FCSK: variants seen among roughly 807,000 people sequenced by gnomAD.
FCSK encodes the protein fucose kinase, also known as L-fucose kinase.
A neutral mutation model predicts 122.5 loss-of-function variants in FCSK; 123 were observed. The ratio of observed to expected loss-of-function variants is 1.00; its 90% CI spans 0.87 to 1.17. The LOEUF (loss-of-function observed/expected upper bound fraction) is 1.17, where lower values mean the gene tolerates loss of function less well. Ranked by LOEUF, FCSK falls within the 50% of genes most tolerant of loss-of-function variation. FCSK has a pLI of 0.00. For missense variants in FCSK, 1,366 were observed against 1,450.4 expected (o/e 0.94, Z 0.95); for synonymous variants, 620 against 625.5 (o/e 0.99, Z 0.13).
At position 70,479,711 on chromosome 16, in the gene FCSK, C is replaced by T. The variant is rs767104693; in HGVS notation, c.*31C>T. ...GCTTCTCTCTGCAACAGGAGAAAACCTGGAGCTACAGTGTCCCCCACCTTC... is the reference window on the plus strand; with the variant it reads ...GCTTCTCTCTGCAACAGGAGAAAACTTGGAGCTACAGTGTCCCCCACCTTC... On this transcript the variant is annotated 3_prime_UTR_variant, in exon 24 of 24. Transcript: ENST00000288078. 2 of 1,573,346 alleles carry T rather than the reference C, an allele frequency of 1.3e-6. No homozygotes were observed. Among genetic ancestry groups the T allele is most frequent in the African/African-American group, 2.7e-5 (2 of 74,102 alleles).
Position 70,474,888 on chromosome 16 carries a change from G to A in FCSK, c.2254G>A (p.Ala752Thr), listed in dbSNP as rs751854740. The A allele has an allele frequency of 1.2e-6, 2 of 1,605,804 alleles. No homozygotes were observed. The highest frequency in any genetic ancestry group is 1.7e-6 in the Non-Finnish European group (2 of 1,177,210). ...CGGCCGCCGGCCCATCGGAGCCAGG[G>A]CACGCCGCATCCCGGAGCCTGAGCT... ...VDGRRPIGAR[A>T]RRIPEPELWL... Residue 752 changes from alanine (A) to threonine (T), a missense_variant, in exon 18 of 24, where the codon GCA (alanine) becomes ACA (threonine). By Grantham distance (58) the Ala-to-Thr change is moderately conservative. Coordinates refer to ENST00000288078, the MANE Select transcript of FCSK (RefSeq NM_145059.3).
At chr16:70,479,112 C>A in intron 22 of FCSK, 68 bp from the exon 23 acceptor site, 4 of 1,223,338 alleles carry the variant, frequency 3.3e-6, no homozygotes, top group Non-Finnish European at 4.7e-6. Context: ...CTTGGCACTT[C>A]ATGCAATCTC....
At chr16:70,470,090 GC>G (rs2048562960) in intron 10 of FCSK, among the ~76,000 whole-genome samples, 1 of 152,138 alleles carries the variant, frequency 6.6e-6, no homozygotes, top group Non-Finnish European at 1.5e-5. Flanking sequence ...TGATCTGCCT[GC>G]CTCGGCCTCC....
At position 70,469,554 on chromosome 16, in the gene FCSK, T is replaced by A. The variant is rs185570637; in HGVS notation, c.955+231T>A. Among the ~76,000 whole-genome samples, 310 of 152,244 alleles carry A rather than the reference T, an allele frequency of 2.0e-3. 2 individuals carry two copies. The highest frequency in any genetic ancestry group is 6.3e-3 in the African/African-American group (260 of 41,544). On this transcript the variant is annotated intron_variant, in intron 10 of 23. Transcript: ENST00000288078. ...CACTTTTGTTTCTGTTTTTTTTTGT[T>A]TGTTTGTTTTGTTTTTTGAGACGGA...
At position 70,478,615 on chromosome 16, in the gene FCSK, G is replaced by A. The variant is rs761231496; in HGVS notation, c.2894G>A (p.Arg965Gln). 67 of 1,613,582 alleles carry A rather than the reference G, an allele frequency of 4.2e-5. No individual in the cohort carries two copies. The highest frequency in any genetic ancestry group is 6.7e-5 in the East Asian group (3 of 44,896). ...GTGCAGAATGCCCACAGCCTGGTAC[G>A]GCAAACTGAGGAGTGTGCTGAAGGC... ...AVVQNAHSLV[R>Q]QTEECAEGFR... The change falls in exon 22 of 24, where the codon CGG (arginine) becomes CAG (glutamine). Residue 965 changes from arginine (R) to glutamine (Q), a missense_variant. Arg to Gln is a conservative substitution (Grantham distance 43). Transcript: ENST00000288078.
chr16:70,467,067 G>A (rs765241050), intron 6 of FCSK, 113 bp downstream of exon 6: 29 of 995,050 alleles, frequency 2.9e-5, no homozygotes, highest in East Asian at 2.5e-4. Context: ...CCTATTAGAC[G>A]GGAAGCTGGA....
chr16:70,479,567 T>A lies in FCSK; in HGVS notation c.3154-12T>A. The A allele has an allele frequency of 6.2e-7, 1 of 1,611,160 alleles. No homozygotes were observed. Among genetic ancestry groups the A allele is most frequent in the South Asian group, 1.1e-5 (1 of 90,806 alleles). ...TGTCCAGAGCCTTCTAAATACTTCCTGTCTTGTCCAGGGCCTTGGGAATTA... is the reference window on the plus strand; with the variant it reads ...TGTCCAGAGCCTTCTAAATACTTCCAGTCTTGTCCAGGGCCTTGGGAATTA... On this transcript the variant is annotated splice_polypyrimidine_tract_variant and intron_variant, in intron 23 of 23. Coordinates refer to ENST00000288078, the MANE Select transcript of FCSK (RefSeq NM_145059.3).
Position 70,479,293 on chromosome 16 carries a change from C to CA in FCSK, c.3044dup (p.His1015GlnfsTer48). The CA allele has an allele frequency of 8.7e-6, 14 of 1,614,042 alleles. No homozygotes were observed. The highest frequency in any genetic ancestry group is 1.2e-5 in the Non-Finnish European group (14 of 1,180,024). On this transcript the variant is annotated frameshift_variant, in exon 23 of 24. Coordinates refer to ENST00000288078, the MANE Select transcript of FCSK (RefSeq NM_145059.3). LOFTEE classifies it high-confidence loss of function. ...GCGTATGATGGATGTCCTGGCCCCC[C>CA]ACGTGCATGGCCAGAGCCTGGCTGG...
rs755446321 is a variant in FCSK, at chr16:70,463,174, C to T, written c.-17C>T. 20 of 1,609,890 alleles carry T rather than the reference C, an allele frequency of 1.2e-5. No homozygotes were observed. In the East Asian group the frequency reaches 2.0e-4, roughly 16 times the overall value. ...TACCCATATTGCTGTCTCAGGAAGC[C>T]CCTCCGCTTGGCCAGAATGGAGCAG... is the stretch of plus-strand genomic sequence containing the variant. On this transcript the variant is annotated 5_prime_UTR_variant, in exon 2 of 24. Transcript: ENST00000288078.
intron 7 of FCSK, 155 bp downstream of exon 7, chr16:70,467,626 C>A: frequency 1.5e-6 from 1 of 661,748 alleles, no homozygotes; most frequent in Non-Finnish European, 2.6e-6. Context: ...CCAGTGCTCC[C>A]TTACTCTCGC....
Position 70,470,990 on chromosome 16 carries a change from C to T in FCSK, c.1088C>T (p.Ala363Val). The T allele has an allele frequency of 6.3e-7, 1 of 1,594,628 alleles. No individual in the cohort carries two copies. The highest frequency in any genetic ancestry group is 1.7e-5 in the Admixed American group (1 of 57,728). Residue 363 changes from alanine (A) to valine (V), a missense_variant, in exon 12 of 24, where the codon GCC becomes GTC. Transcript: ENST00000288078. ...SQVEEQQLLAAGSSVVSCLLE... is the reference protein window; with the variant it reads ...SQVEEQQLLAVGSSVVSCLLE... ...GCACAGGAGCAGCAGCTTCTGGCGG[C>T]CGGGAGCTCTGTGGTCAGCTGCCTG...
intron 7 of FCSK, 184 bp from the exon 8 acceptor site, chr16:70,467,702 T>G: frequency 1.5e-6 from 1 of 647,864 alleles, no homozygotes; most frequent in Non-Finnish European, 2.7e-6. Flanking sequence ...TGCAAAGACC[T>G]TTAAAGCCTG....
intron 6 of FCSK, 91 bp downstream of exon 6, chr16:70,467,045 C>A: frequency 8.7e-7 from 1 of 1,149,002 alleles, no homozygotes; most frequent in Non-Finnish European, 1.3e-6. Context: ...GCCTCTGGGC[C>A]TGCCCCGCTG....
At chr16:70,475,188 G>A (rs893690571) in intron 18 of FCSK, among the ~76,000 whole-genome samples, 162 bp from the exon 19 acceptor site, 1 of 152,228 alleles carries the variant, frequency 6.6e-6, no homozygotes, top group Non-Finnish European at 1.5e-5. Flanking sequence ...CCCTGTCTGG[G>A]AGCCCAGAGG....
Position 70,478,418 on chromosome 16 carries a change from G to A in FCSK, c.2788G>A (p.Val930Met), listed in dbSNP as rs763297173. The change falls in exon 21 of 24, where the codon GTG becomes ATG. Residue 930 changes from valine to methionine, a missense_variant. Physicochemically the swap from Val to Met is conservative, Grantham distance 21. Transcript: ENST00000288078. The stretch of plus-strand genomic sequence containing the variant: ...GAAGCTCAATGACCACCTGCTCTTG[G>A]TGTACACTGGCAAGACCCGCCTGGC... ...VQKLNDHLLL[V>M]YTGKTRLARN... 11 of 1,614,194 alleles carry A rather than the reference G, an allele frequency of 6.8e-6. No homozygotes were observed. The South Asian group carries it at 1.2e-4, about 18-fold the overall frequency.
intron 22 of FCSK, 34 bp downstream of exon 22, chr16:70,478,684 G>T: frequency 6.4e-7 from 1 of 1,567,846 alleles, no homozygotes; most frequent in South Asian, 1.1e-5. Context: ...TCAGGGCACT[G>T]GGAGCGAGTA....
intron 18 of FCSK, 117 bp from the exon 19 acceptor site, chr16:70,475,233 T>C (rs1468822701): frequency 2.4e-6 from 3 of 1,259,836 alleles, no homozygotes; most frequent in African/African-American, 1.5e-5. Context: ...CCAGTACTGC[T>C]GCTGGGCTTT....
intron 20 of FCSK, chr16:70,476,150 CTG>C (rs17885108): frequency 0.039 from 6,248 of 158,576 alleles, 437 homozygotes; most frequent in African/African-American, 0.14. Context: ...CTACAGGCGC[CTG>C]CCACCACGCC....
chr16:70,467,940 G>T lies in FCSK; in HGVS notation c.637G>T (p.Val213Phe). Residue 213 changes from valine to phenylalanine, a missense_variant, in exon 8 of 24, where the codon GTC (valine) becomes TTC (phenylalanine). Val to Phe is a conservative substitution (Grantham distance 50). Transcript: ENST00000288078. ...QGTEAEIQRC[V>F]RPDGRVPLVS... ...CACTGAGGCAGAGATTCAGCGGTGT[G>T]TCAGGCCTGATGGGCGGGTGCCACT... The T allele has an allele frequency of 6.2e-7, 1 of 1,614,174 alleles. No individual in the cohort carries two copies. Among genetic ancestry groups the T allele is most frequent in the Non-Finnish European group, 8.5e-7 (1 of 1,180,022 alleles).
Sources: allele counts gnomAD v4.1 joint callset (sites outside exome capture counted in the v4.1 genomes callset), GRCh38; gene constraint gnomAD v4.1.1; transcripts MANE v1.5; gene names NCBI Gene and HGNC (gene_info 2026-07-23, HGNC 2026-07-21).